The following DIAPH3 variants were observed in gnomAD, a reference collection of about 807,000 sequenced individuals.
The protein encoded by DIAPH3 is protein diaphanous homolog 3.
DIAPH3 carries 117 observed loss-of-function variants against 144.3 expected under a neutral mutation model. That is an observed-to-expected ratio of 0.81 (90% CI 0.70 to 0.95). DIAPH3 has a LOEUF of 0.95. DIAPH3 is among the 40% of genes least tolerant of loss of function. The probability of loss-of-function intolerance (pLI) is 0.00; values close to 1 mark genes in which losing one functional copy is unlikely to be tolerated. For missense variants in DIAPH3, 1,421 were observed against 1,412.7 expected, an observed-to-expected ratio of 1.01 and a Z score of -0.09; for synonymous variants, 519 against 488.9, an observed-to-expected ratio of 1.06 and a Z score of -0.81.
In DIAPH3 at chr13:59,970,874, A is replaced by G. The variant is rs778670507; in HGVS notation, c.1937T>C (p.Met646Thr). 6.2e-7 allele frequency: 1 copy of G among 1,612,848 alleles called. No individual in the cohort carries two copies. Among genetic ancestry groups the G allele is most frequent in the South Asian group, 1.1e-5 (1 of 91,020 alleles). ...TACCTTTAACCAATTCAATCTTCTC[A>G]TGCTGATTTCAGGTTTAAATTCTTT... ...PKKEFKPEIS[M>T]RRLNWLKIRP... The change falls in exon 16 of 28, where the codon ATG becomes ACG. Residue 646 changes from methionine to threonine, a missense_variant. Met to Thr is a moderately conservative substitution (Grantham distance 81). Transcript: ENST00000400324.
chr13:60,034,241 T>C (rs1345273382), intron 5 of DIAPH3, among the ~76,000 whole-genome samples: 6 of 152,208 alleles, frequency 3.9e-5, no homozygotes, highest in Non-Finnish European at 5.9e-5. Flanking sequence ...TGTAAAGCCA[T>C]AAACACATAA....
chr13:59,982,215 T>G (rs1430708313), intron 13 of DIAPH3, among the ~76,000 whole-genome samples: 1 of 151,464 alleles, frequency 6.6e-6, no homozygotes, highest in East Asian at 1.9e-4. Context: ...TAAAACTACA[T>G]AAGCACGCAT....
chr13:59,812,625 A>T (rs142239140), intron 24 of DIAPH3, among the ~76,000 whole-genome samples: 288 of 152,296 alleles, frequency 1.9e-3, no homozygotes, highest in African/African-American at 6.5e-3. Flanking sequence ...CTTAAATGTC[A>T]AGGAGCTAGG....
intron 18 of DIAPH3, 80 bp from the exon 19 acceptor site, chr13:59,916,329 C>T: frequency 9.3e-7 from 1 of 1,075,294 alleles, no homozygotes; most frequent in Non-Finnish European, 1.4e-6. Context: ...TTTATAAAAT[C>T]AAAAATAAAT....
chr13:59,862,811 T>C (rs1386429415), intron 21 of DIAPH3, among the ~76,000 whole-genome samples: 4 of 152,174 alleles, frequency 2.6e-5, no homozygotes, highest in Admixed American at 6.5e-5. Flanking sequence ...GATGCATTTA[T>C]GTTTATATAC....
chr13:59,838,914 G>C (rs2042183429), intron 23 of DIAPH3: 2 of 174,604 alleles, frequency 1.1e-5, no homozygotes, highest in African/African-American at 4.8e-5. Flanking sequence ...GTCGATACCA[G>C]TCTGGCGAAT....
At chr13:59,833,075 A>G in intron 24 of DIAPH3, 32 bp downstream of exon 24, 1 of 1,561,148 alleles carries the variant, frequency 6.4e-7, no homozygotes, top group Non-Finnish European at 8.7e-7. Context: ...ATAAATAAAA[A>G]AACTTTTTAA....
chr13:59,848,028 T>A (rs941905592), intron 22 of DIAPH3, among the ~76,000 whole-genome samples: 6 of 152,226 alleles, frequency 3.9e-5, no homozygotes, highest in Admixed American at 3.3e-4. Flanking sequence ...CATCTAACCA[T>A]AGAGCGCATC....
intron 21 of DIAPH3, among the ~76,000 whole-genome samples, chr13:59,877,773 C>T (rs2044726579): frequency 6.6e-6 from 1 of 151,696 alleles, no homozygotes; most frequent in Non-Finnish European, 1.5e-5. Flanking sequence ...TCTCATTAGC[C>T]CCACTCCTTT....
chr13:59,781,266 T>C (rs2038723529), intron 25 of DIAPH3, among the ~76,000 whole-genome samples: 1 of 152,296 alleles, frequency 6.6e-6, no homozygotes, highest in East Asian at 1.9e-4. Context: ...AGGCAAGAAA[T>C]GGTTTCCAAA....
chr13:60,106,522 C>T (rs2058425865), intron 3 of DIAPH3, among the ~76,000 whole-genome samples: 1 of 152,116 alleles, frequency 6.6e-6, no homozygotes, highest in South Asian at 2.1e-4. Context: ...TTTGATAAAT[C>T]TGACCACAAT....
At chr13:59,974,279 A>G (rs923706285) in intron 15 of DIAPH3, 73 bp downstream of exon 15, 6 of 1,058,472 alleles carry the variant, frequency 5.7e-6, no homozygotes, top group South Asian at 1.3e-5. Flanking sequence ...TTTTGATGCT[A>G]TGAAGATATA....
intron 2 of DIAPH3, 113 bp from the exon 3 acceptor site, chr13:60,112,299 TCAAGAGGCATTCAG>T: frequency 8.1e-7 from 1 of 1,230,038 alleles, no homozygotes. Context: ...TGTGATTTCA[TCAAGAGGCATTCAG>T]CATTGGAATA....
chr13:59,693,078 A>C (rs561368826), intron 27 of DIAPH3, among the ~76,000 whole-genome samples: 10 of 152,324 alleles, frequency 6.6e-5, no homozygotes, highest in African/African-American at 2.4e-4. Context: ...ACTATGAGAA[A>C]ATTATATTTC....
chr13:60,015,877 T>A (rs1566661001), intron 7 of DIAPH3, 36 bp downstream of exon 7: 1 of 1,553,982 alleles, frequency 6.4e-7, no homozygotes, highest in Non-Finnish European at 8.9e-7. Context: ...ATTACAAAAT[T>A]GGTGACGGAC....
At chr13:60,086,179 AAAG>A (rs1477725568) in intron 4 of DIAPH3, among the ~76,000 whole-genome samples, 1 of 152,152 alleles carries the variant, frequency 6.6e-6, no homozygotes, top group Non-Finnish European at 1.5e-5. Context: ...TAAAAAAAGA[AAAG>A]ATGATCAGTT....
chr13:60,027,778 G>A (rs576647650), intron 5 of DIAPH3, among the ~76,000 whole-genome samples: 2 of 152,268 alleles, frequency 1.3e-5, no homozygotes, highest in East Asian at 3.9e-4. Context: ...GTACCAGTAA[G>A]TAGTTTCTTA....
chr13:60,015,891 T>C, intron 7 of DIAPH3, 22 bp downstream of exon 7: 1 of 1,591,256 alleles, frequency 6.3e-7, no homozygotes, highest in Non-Finnish European at 8.6e-7. Context: ...GACGGACAAA[T>C]ACTAATTACG....
intron 9 of DIAPH3, among the ~76,000 whole-genome samples, chr13:59,996,914 T>C (rs2052229707): frequency 6.6e-6 from 1 of 152,114 alleles, no homozygotes; most frequent in African/African-American, 2.4e-5. Context: ...CATATGTGAA[T>C]ATATAGTACC....
Sources: allele counts gnomAD v4.1 joint callset (sites outside exome capture counted in the v4.1 genomes callset), GRCh38; gene constraint gnomAD v4.1.1; transcripts MANE v1.5; gene names NCBI Gene and HGNC (gene_info 2026-07-23, HGNC 2026-07-21).